The following SLC25A37 variants were observed in gnomAD, a reference collection of about 807,000 sequenced individuals.
SLC25A37 encodes solute carrier family 25 member 37.
Under a neutral mutation model 31.0 loss-of-function variants are expected in SLC25A37, and 17 were observed. The ratio of observed to expected loss-of-function variants is 0.55; its 90% CI spans 0.38 to 0.82. The LOEUF (loss-of-function observed/expected upper bound fraction) is 0.82. SLC25A37 is among the 40% of genes least tolerant of loss of function. SLC25A37 has a pLI of 0.00. For missense variants in SLC25A37, 404 were observed against 465.8 expected, an observed-to-expected ratio of 0.87 and a Z score of 1.22; for synonymous variants, 222 against 193.0, an observed-to-expected ratio of 1.15 and a Z score of -1.24.
Position 23,572,374 on chromosome 8 carries a change from C to T in SLC25A37, c.*519C>T, listed in dbSNP as rs1334142637. On this transcript the variant is annotated 3_prime_UTR_variant, in exon 4 of 4. Coordinates refer to ENST00000519973, the MANE Select transcript of SLC25A37 (RefSeq NM_016612.4). ...TGCGTGTCTACACCTAGTATTACGG[C>T]TGGGACTCTCCAGCTGTTTTTGTTG... 1 of 152,460 alleles carries T rather than the reference C, an allele frequency of 6.6e-6. No homozygotes were observed. Among genetic ancestry groups the T allele is most frequent in the Admixed American group, 6.5e-5 (1 of 15,350 alleles). The allele number at this position is 152,460 out of a possible 1,614,324, so 9.4% of individuals were successfully genotyped here.
rs3174040 is a variant in SLC25A37 at position 23,573,894 on chromosome 8, A to G, written c.*2039A>G. The G allele has an allele frequency of 0.24, 108,761 of 455,248 alleles. 14,749 individuals are homozygous for G. The highest frequency in any genetic ancestry group is 0.47 in the African/African-American group (23,438 of 50,064). The allele number at this position is 455,248 out of a possible 1,614,324, so 28.2% of individuals were successfully genotyped here. A position where few individuals can be genotyped will look rare whatever the true frequency, so the allele number is the denominator to read the frequency against. ...TGTAGAAAGCCGTAAAGTCCACGCTACTGTTGAAAATGTTTACATCTCCGC... is the reference window on the plus strand; with the variant it reads ...TGTAGAAAGCCGTAAAGTCCACGCTGCTGTTGAAAATGTTTACATCTCCGC... On this transcript the variant is annotated 3_prime_UTR_variant, in exon 4 of 4. Coordinates refer to ENST00000519973, the MANE Select transcript of SLC25A37 (RefSeq NM_016612.4).
chr8:23,541,593 A>T (rs1176709044), intron 1 of SLC25A37: 1 of 152,424 alleles, frequency 6.6e-6, no homozygotes, highest in East Asian at 1.9e-4. Flanking sequence ...GAAGCAGAAC[A>T]TGGAGAGAGA....
chr8:23,537,703 G>C (rs1296966310), intron 1 of SLC25A37, among the ~76,000 whole-genome samples: 1 of 152,226 alleles, frequency 6.6e-6, no homozygotes, highest in Non-Finnish European at 1.5e-5. Flanking sequence ...GCTCAGTGCA[G>C]GTGCTAGGTC....
intron 1 of SLC25A37, among the ~76,000 whole-genome samples, chr8:23,535,762 C>A (rs868294717): frequency 6.6e-6 from 1 of 152,180 alleles, no homozygotes; most frequent in Non-Finnish European, 1.5e-5. Flanking sequence ...GCACATCTTA[C>A]ATGGTAACAG....
At chr8:23,532,609 A>T (rs1488247191) in intron 1 of SLC25A37, among the ~76,000 whole-genome samples, 1 of 152,098 alleles carries the variant, frequency 6.6e-6, no homozygotes, top group Non-Finnish European at 1.5e-5. Flanking sequence ...AAGCCGGGGG[A>T]CTTCCGCTGA....
chr8:23,542,345 A>G (rs1023389912), intron 1 of SLC25A37, among the ~76,000 whole-genome samples: 1 of 145,660 alleles, frequency 6.9e-6, no homozygotes, highest in African/African-American at 2.6e-5. Flanking sequence ...ACTATGCTAT[A>G]CTTTTTGTCA....
chr8:23,535,936 C>CCA (rs1255016794), intron 1 of SLC25A37, among the ~76,000 whole-genome samples: 1 of 152,136 alleles, frequency 6.6e-6, no homozygotes, highest in Non-Finnish European at 1.5e-5. Context: ...ATTATGGGAG[C>CCA]CACTATTCAA....
At chr8:23,568,430 C>T in intron 3 of SLC25A37, 52 bp downstream of exon 3, 1 of 1,605,356 alleles carries the variant, frequency 6.2e-7, no homozygotes, top group South Asian at 1.1e-5. Context: ...CAAAGGGGCA[C>T]AAAAAATGGT....
At position 23,571,933 on chromosome 8, in the gene SLC25A37, T is replaced by C; in HGVS notation, c.*78T>C. 1.4e-6 allele frequency: 2 copies of C among 1,426,428 alleles called. No homozygotes were observed. The highest frequency in any genetic ancestry group is 2.7e-5 in the South Asian group (2 of 73,970). The allele number at this position is 1,426,428 out of a possible 1,614,324, so 88.4% of individuals were successfully genotyped here. ...CCCTTGCCCTCTCCTCACACGTAGA[T>C]CATTTTTTTTTTGCAGGGTGCTGCC... On this transcript the variant is annotated 3_prime_UTR_variant, in exon 4 of 4. Coordinates refer to ENST00000519973, the MANE Select transcript of SLC25A37 (RefSeq NM_016612.4).
chr8:23,566,829 G>C, intron 2 of SLC25A37: 1 of 985,998 alleles, frequency 1.0e-6, no homozygotes, highest in Non-Finnish European at 1.2e-6. Flanking sequence ...GAAGTTTTAT[G>C]GCTGACAAAG....
At chr8:23,552,179 AGGT>A (rs1802245062) in intron 1 of SLC25A37, among the ~76,000 whole-genome samples, 2 of 152,188 alleles carry the variant, frequency 1.3e-5, no homozygotes, top group South Asian at 4.1e-4. Context: ...TGATTAACCT[AGGT>A]GGTGGTTTTC....
At chr8:23,548,882 C>A (rs1407504911) in intron 1 of SLC25A37, among the ~76,000 whole-genome samples, 2 of 152,162 alleles carry the variant, frequency 1.3e-5, no homozygotes, top group African/African-American at 4.8e-5. Context: ...TCCTACACTT[C>A]GTTTCAGGCT....
chr8:23,548,556 C>T (rs572937724), intron 1 of SLC25A37, among the ~76,000 whole-genome samples: 1 of 151,048 alleles, frequency 6.6e-6, no homozygotes, highest in Admixed American at 6.6e-5. Context: ...CTGTAACCTC[C>T]ACCTCCTGGG....
intron 2 of SLC25A37, 58 bp downstream of exon 2, chr8:23,566,394 C>T (rs774491602): frequency 6.4e-7 from 1 of 1,552,320 alleles, no homozygotes; most frequent in East Asian, 2.3e-5. Context: ...ACGTCCCTCC[C>T]CAGGGTGTTC....
Position 23,529,265 on chromosome 8 carries a change from G to T in SLC25A37, c.210+53G>T, listed in dbSNP as rs1454461046. 8 of 1,533,962 alleles carry T rather than the reference G, an allele frequency of 5.2e-6. No homozygotes were observed. Among genetic ancestry groups the T allele is most frequent in the African/African-American group, 1.4e-5 (1 of 71,008 alleles). On this transcript the variant is annotated intron_variant, in intron 1 of 3. Transcript: ENST00000519973. This position sits in a 1 kb window ranked among gnomAD's most constrained non-coding sequence, Gnocchi z 4.1. ...CAACGAGCGGAGAAGGAGCGCGCGC[G>T]CGCATTTGCATCCCGCGCGCCGGCA...
rs894547026 is a variant in SLC25A37, at chr8:23,575,273, G to A, written c.*3418G>A. 2.0e-5 allele frequency: 3 copies of A among 152,128 alleles called. No individual in the cohort carries two copies. The highest frequency in any genetic ancestry group is 7.2e-5 in the African/African-American group (3 of 41,432). The allele number at this position is 152,128 out of a possible 1,614,324, so 9.4% of individuals were successfully genotyped here. On this transcript the variant is annotated 3_prime_UTR_variant, in exon 4 of 4. Transcript: ENST00000519973. ...CCTACCTGCAAGACGAACAATGTAT[G>A]TTTCAAGGGTGAGCAAGTGTTATTT...
intron 1 of SLC25A37, among the ~76,000 whole-genome samples, chr8:23,534,088 A>T (rs764613208): frequency 6.6e-5 from 10 of 152,116 alleles, no homozygotes; most frequent in Non-Finnish European, 1.3e-4. Context: ...AGCTGGGACT[A>T]CAGGCACATG....
Position 23,529,176 on chromosome 8 carries a change from G to T in SLC25A37, c.174G>T (p.Leu58=), listed in dbSNP as rs759045858. Residue 58 remains leucine (L), a synonymous_variant, in exon 1 of 4, where the codon CTG becomes CTT. Transcript: ENST00000519973. The surrounding 1 kb of genome is among the most constrained non-coding windows in gnomAD (Gnocchi z 4.1). The part of the protein sequence containing the change: ...HMTAGAMAGI[L]EHSVMYPVDS... ...CAGCAGGAGCGATGGCCGGGATCCTGGAGCACTCGGTCATGTACCCGGTGG... is the reference window on the plus strand; with the variant it reads ...CAGCAGGAGCGATGGCCGGGATCCTTGAGCACTCGGTCATGTACCCGGTGG... 8 of 1,611,274 alleles carry T rather than the reference G, an allele frequency of 5.0e-6. No individual in the cohort carries two copies. The highest frequency in any genetic ancestry group is 6.8e-6 in the Non-Finnish European group (8 of 1,179,074).
At chr8:23,552,805 G>T (rs1308634720) in intron 1 of SLC25A37, among the ~76,000 whole-genome samples, 2 of 152,190 alleles carry the variant, frequency 1.3e-5, no homozygotes, top group East Asian at 1.9e-4. Flanking sequence ...CAGTGGGGGA[G>T]CCCGGGCAAG....
Sources: gnomAD v4.1 joint callset for allele counts (sites outside exome capture counted in the v4.1 genomes callset) on GRCh38, gnomAD v4.1.1 for gene constraint, Gnocchi (gnomAD v3.1) non-coding constraint, MANE v1.5 for transcripts, NCBI Gene and HGNC (gene_info 2026-07-23, HGNC 2026-07-21) for gene names.